Variants in BCAT1 observed in about 807,000 individuals in gnomAD.
BCAT1 encodes the protein branched chain amino acid transaminase 1, also known as branched-chain-amino-acid aminotransferase, cytosolic.
In BCAT1, 48 loss-of-function variants were observed where a neutral mutation model predicts 52.4. The ratio of observed to expected loss-of-function variants is 0.92; its 90% CI spans 0.73 to 1.16. The LOEUF is 1.16. BCAT1 is among the 50% of genes most tolerant of loss of function. BCAT1 has a pLI of 0.00. For missense variants in BCAT1, 451 were observed against 457.1 expected, an observed-to-expected ratio of 0.99 and a Z score of 0.12; for synonymous variants, 167 against 161.3, an observed-to-expected ratio of 1.04 and a Z score of -0.27.
At chr12:24,938,659 G>A (rs1462271293) in intron 1 of BCAT1, among the ~76,000 whole-genome samples, 1 of 152,064 alleles carries the variant, frequency 6.6e-6, no homozygotes, top group Non-Finnish European at 1.5e-5. Flanking sequence ...ATTAGGGAAT[G>A]AGCAAGTGAG....
At chr12:24,838,488 G>T (rs1172071631) in intron 7 of BCAT1, among the ~76,000 whole-genome samples, 2 of 142,060 alleles carry the variant, frequency 1.4e-5, no homozygotes, top group African/African-American at 5.2e-5. Flanking sequence ...TAAATGTATG[G>T]ATCTATTTGT....
At chr12:24,903,014 G>T in intron 1 of BCAT1, 1 of 1,425,594 alleles carries the variant, frequency 7.0e-7, no homozygotes, top group Non-Finnish European at 9.1e-7. Flanking sequence ...ACGCGGGGCT[G>T]CAGAGAGCGG....
chr12:24,930,620 G>T (rs148734251), intron 1 of BCAT1, among the ~76,000 whole-genome samples: 56 of 152,300 alleles, frequency 3.7e-4, no homozygotes, highest in Non-Finnish European at 7.8e-4. Flanking sequence ...GGGAATGGGA[G>T]AATCACTTTT....
chr12:24,838,975 C>A (rs1941088612), intron 7 of BCAT1, among the ~76,000 whole-genome samples: 1 of 152,182 alleles, frequency 6.6e-6, no homozygotes, highest in South Asian at 2.1e-4. Context: ...GCCCTAAACA[C>A]CATCAGCACA....
At chr12:24,891,753 T>C (rs992267511) in intron 3 of BCAT1, among the ~76,000 whole-genome samples, 1 of 150,760 alleles carries the variant, frequency 6.6e-6, no homozygotes, top group Non-Finnish European at 1.5e-5. Context: ...AAGAGGTTTT[T>C]GTTTTTTTTT....
intron 1 of BCAT1, among the ~76,000 whole-genome samples, chr12:24,905,982 G>A (rs963621079): frequency 3.3e-5 from 5 of 151,290 alleles, no homozygotes; most frequent in African/African-American, 1.2e-4. Context: ...CAAGAATGGA[G>A]ATAAGGTGGC....
At chr12:24,826,170 C>G (rs1940388606) in intron 10 of BCAT1, among the ~76,000 whole-genome samples, 1 of 152,168 alleles carries the variant, frequency 6.6e-6, no homozygotes, top group African/African-American at 2.4e-5. Flanking sequence ...CAGGTTCATG[C>G]CACTACACTC....
chr12:24,838,142 G>T (rs1236609911), intron 7 of BCAT1, among the ~76,000 whole-genome samples: 2 of 152,076 alleles, frequency 1.3e-5, no homozygotes, highest in Non-Finnish European at 1.5e-5. Context: ...CCACTCCACT[G>T]GGGTTACATC....
intron 1 of BCAT1, among the ~76,000 whole-genome samples, chr12:24,918,683 C>T (rs1375010428): frequency 1.3e-5 from 2 of 152,006 alleles, no homozygotes; most frequent in Non-Finnish European, 2.9e-5. Context: ...AAGTTTAAAA[C>T]CCTTGCTATC....
chr12:24,925,090 T>C (rs1177827585), intron 1 of BCAT1, among the ~76,000 whole-genome samples: 1 of 152,224 alleles, frequency 6.6e-6, no homozygotes, highest in Non-Finnish European at 1.5e-5. Flanking sequence ...CAAGTTCAAA[T>C]GTTGCTGTGA....
chr12:24,925,482 A>C (rs1943564535), intron 1 of BCAT1, among the ~76,000 whole-genome samples: 1 of 152,220 alleles, frequency 6.6e-6, no homozygotes, highest in Non-Finnish European at 1.5e-5. Flanking sequence ...ATAAATATAG[A>C]TATAGATATG....
intron 3 of BCAT1, among the ~76,000 whole-genome samples, chr12:24,889,338 A>G (rs935719055): frequency 4.6e-5 from 7 of 152,224 alleles, no homozygotes; most frequent in African/African-American, 1.7e-4. Flanking sequence ...TGGCACTCAG[A>G]GGAAAACAAT....
intron 10 of BCAT1, among the ~76,000 whole-genome samples, chr12:24,829,129 A>T (rs1325303271): frequency 2.6e-5 from 4 of 152,130 alleles, no homozygotes; most frequent in African/African-American, 9.7e-5. Flanking sequence ...CATGCCTGTA[A>T]TCCCAACAAT....
intron 3 of BCAT1, among the ~76,000 whole-genome samples, chr12:24,892,594 T>C (rs1942873731): frequency 6.6e-6 from 1 of 152,232 alleles, no homozygotes; most frequent in Non-Finnish European, 1.5e-5. Context: ...GGCTCATGGC[T>C]GTCATCCCAG....
chr12:24,813,380 G>C lies in BCAT1; in HGVS notation c.*4628C>G, dbSNP rs1658854657. 1.3e-5 allele frequency: 2 copies of C among 152,000 alleles called. No homozygotes were observed. Among genetic ancestry groups the C allele is most frequent in the Admixed American group, 1.3e-4 (2 of 15,240 alleles). The allele number at this position is 152,000 out of a possible 1,614,324, so 9.4% of individuals were successfully genotyped here. A position where few individuals can be genotyped will look rare whatever the true frequency, so the allele number is the denominator to read the frequency against. ...TGTGCAAAATCATGGTTATATGAAA[G>C]TTATTTTCTGAATAGCTGGATCCAT... is the stretch of plus-strand genomic sequence containing the variant. On this transcript the variant is annotated 3_prime_UTR_variant, in exon 11 of 11. Coordinates refer to ENST00000261192, the MANE Select transcript of BCAT1 (RefSeq NM_005504.7).
chr12:24,922,683 C>T (rs12371444), intron 1 of BCAT1, among the ~76,000 whole-genome samples: 46,199 of 151,768 alleles, frequency 0.3, 8,226 homozygotes, highest in Middle Eastern at 0.52. Flanking sequence ...CCATCCTGGC[C>T]AACATGGTGA....
chr12:24,874,638 T>C (rs1942276612), intron 5 of BCAT1, among the ~76,000 whole-genome samples: 1 of 152,252 alleles, frequency 6.6e-6, no homozygotes, highest in African/African-American at 2.4e-5. Context: ...ATATATTTCA[T>C]TCCTTAACAA....
At chr12:24,881,770 A>G (rs1942506001) in intron 3 of BCAT1, among the ~76,000 whole-genome samples, 1 of 152,172 alleles carries the variant, frequency 6.6e-6, no homozygotes, top group African/African-American at 2.4e-5. Context: ...ATCGAAACCA[A>G]AGGCCTTGTG....
rs1939774696 is a variant in BCAT1 at position 24,813,763 on chromosome 12, G to C, written c.*4245C>G. The C allele has an allele frequency of 6.6e-6, 1 of 152,018 alleles. No homozygotes were observed. The highest frequency in any genetic ancestry group is 1.5e-5 in the Non-Finnish European group (1 of 67,918). 9.4% of individuals were successfully genotyped at this position (152,018 alleles called of 1,614,324 possible). On this transcript the variant is annotated 3_prime_UTR_variant, in exon 11 of 11. Coordinates refer to ENST00000261192, the MANE Select transcript of BCAT1 (RefSeq NM_005504.7). ...AAGGATAAAGTTGCTTTAAAAATGA[G>C]ATAAACTATTCATTGATTTCTTGAT...
Sources: allele counts gnomAD v4.1 joint callset (sites outside exome capture counted in the v4.1 genomes callset), GRCh38; gene constraint gnomAD v4.1.1; transcripts MANE v1.5; gene names NCBI Gene and HGNC (gene_info 2026-07-23, HGNC 2026-07-21).